LY86: variants seen among roughly 807,000 people sequenced by gnomAD.
LY86 encodes the protein MD-1, RP105-associated.
Under a neutral mutation model 17.3 loss-of-function variants are expected in LY86, and 20 were observed. The ratio of observed to expected loss-of-function variants is 1.15; its 90% CI spans 0.81 to 1.68. LY86 has a LOEUF of 1.68. LY86 is among the 40% of genes most tolerant of loss of function. LY86 has a pLI of 0.00. For missense variants in LY86, 200 were observed against 191.9 expected, an observed-to-expected ratio of 1.04 and a Z score of -0.25; for synonymous variants, 74 against 70.6, an observed-to-expected ratio of 1.05 and a Z score of -0.24.
chr6:6,607,916 A>G (rs1327076039), intron 1 of LY86, among the ~76,000 whole-genome samples: 1 of 152,190 alleles, frequency 6.6e-6, no homozygotes, highest in Non-Finnish European at 1.5e-5. Flanking sequence ...ATAAAAATAA[A>G]AAAATAAATC....
intron 1 of LY86, among the ~76,000 whole-genome samples, chr6:6,615,719 CAAAA>C (rs373207405): frequency 5.5e-5 from 5 of 91,724 alleles, no homozygotes; most frequent in Non-Finnish European, 1.1e-4. Context: ...GATGTTGTCT[CAAAA>C]AAAAAAAAAA....
intron 1 of LY86, among the ~76,000 whole-genome samples, chr6:6,603,699 G>A (rs572231474): frequency 1.1e-4 from 17 of 150,774 alleles, no homozygotes; most frequent in Admixed American, 4.0e-4. Context: ...CACAGAAAAC[G>A]TGTCAATGTC....
At chr6:6,654,512 C>T (rs754268011) in intron 4 of LY86, 32 bp from the exon 5 acceptor site, 2 of 1,512,214 alleles carry the variant, frequency 1.3e-6, no homozygotes, top group Non-Finnish European at 1.8e-6. Flanking sequence ...CTGTGGGTCA[C>T]ACGTCTAATA....
intron 1 of LY86, among the ~76,000 whole-genome samples, chr6:6,591,669 T>C (rs533457012): frequency 2.6e-5 from 4 of 152,256 alleles, no homozygotes; most frequent in African/African-American, 9.6e-5. Flanking sequence ...ACACAGCTAA[T>C]AGTGGCAGAA....
chr6:6,601,838 T>G (rs7748865), intron 1 of LY86, among the ~76,000 whole-genome samples: 137,568 of 152,154 alleles, frequency 0.9, 62,245 homozygotes, highest in Middle Eastern at 0.98. Context: ...GGGAATGCAG[T>G]ACCTGGGATG....
At chr6:6,603,606 A>C (rs78762673) in intron 1 of LY86, among the ~76,000 whole-genome samples, 3,559 of 94,966 alleles carry the variant, frequency 0.037, 178 homozygotes, top group Middle Eastern at 0.061. Flanking sequence ...ACAGAAACAG[A>C]AAAAAAAACA....
intron 1 of LY86, among the ~76,000 whole-genome samples, chr6:6,593,819 C>T (rs1404325783): frequency 1.3e-5 from 2 of 152,182 alleles, no homozygotes; most frequent in Non-Finnish European, 2.9e-5. Context: ...CTCAAACCCG[C>T]TGTTTCTCAT....
At chr6:6,625,411 G>A (rs1761768575) in intron 2 of LY86, among the ~76,000 whole-genome samples, 1 of 152,140 alleles carries the variant, frequency 6.6e-6, no homozygotes, top group Non-Finnish European at 1.5e-5. Flanking sequence ...GTGTTATTTT[G>A]TATCCCAAAT....
intron 3 of LY86, among the ~76,000 whole-genome samples, chr6:6,642,295 C>T (rs192594240): frequency 1.3e-5 from 2 of 152,256 alleles, no homozygotes; most frequent in Non-Finnish European, 2.9e-5. Context: ...GAAGAACCCC[C>T]TCTGAAATGG....
intron 1 of LY86, among the ~76,000 whole-genome samples, chr6:6,621,928 T>C (rs1761687921): frequency 6.6e-6 from 1 of 151,612 alleles, no homozygotes; most frequent in South Asian, 2.1e-4. Flanking sequence ...TGCAAATAAA[T>C]ACAGAGAAGG....
chr6:6,626,450 C>A (rs767441983), intron 3 of LY86, 29 bp downstream of exon 3: 3 of 1,610,710 alleles, frequency 1.9e-6, no homozygotes, highest in Non-Finnish European at 2.5e-6. Flanking sequence ...TCACTGCTGG[C>A]AGGGGCCTGC....
intron 1 of LY86, among the ~76,000 whole-genome samples, chr6:6,596,686 G>A (rs1295332487): frequency 3.9e-5 from 6 of 152,180 alleles, no homozygotes; most frequent in Non-Finnish European, 8.8e-5. Flanking sequence ...ATCCAACACT[G>A]TGGTGCAGAT....
intron 1 of LY86, among the ~76,000 whole-genome samples, chr6:6,593,012 CTCA>C (rs773892858): frequency 6.6e-6 from 1 of 152,196 alleles, no homozygotes; most frequent in Non-Finnish European, 1.5e-5. Flanking sequence ...CACTCTAGAT[CTCA>C]TGTTATTGTT....
At chr6:6,589,185 T>C (rs1340572626) in intron 1 of LY86, among the ~76,000 whole-genome samples, 2 of 152,184 alleles carry the variant, frequency 1.3e-5, no homozygotes, top group Admixed American at 6.5e-5. Flanking sequence ...TACCAAATCA[T>C]CAAACCTCAC....
At position 6,600,607 on chromosome 6, in the gene LY86, A is replaced by G. The variant is rs1452927891; in HGVS notation, c.136+11737A>G. On this transcript the variant is annotated intron_variant, in intron 1 of 4. Coordinates refer to ENST00000230568, the MANE Select transcript of LY86 (RefSeq NM_004271.4). ...TCCATCAAAAAAAAAAAAAAAAAAA[A>G]AAAAAAAAAAAAAAAAAAAAAGAAA... 2.8e-5 allele frequency among the ~76,000 whole-genome samples: 4 copies of G among 141,440 alleles called. 1 individual carries two copies. Among genetic ancestry groups the G allele is most frequent in the Non-Finnish European group, 3.1e-5 (2 of 65,254 alleles). The allele number at this position is 141,440 out of a possible 152,430, so 92.8% of individuals were successfully genotyped here. A position where few individuals can be genotyped will look rare whatever the true frequency, so the allele number is the denominator to read the frequency against.
intron 1 of LY86, among the ~76,000 whole-genome samples, chr6:6,601,217 G>A (rs1001169346): frequency 4.6e-5 from 7 of 152,166 alleles, no homozygotes; most frequent in African/African-American, 1.7e-4. Context: ...CTTTCCTGGG[G>A]GAGTGGATCT....
At position 6,624,067 on chromosome 6, in the gene LY86, T is replaced by C. The variant is rs1387779271; in HGVS notation, c.137-859T>C. ...GAGCAAGACCTGAGGATTTAGATAA[T>C]GGCCAAAAAGACTAAGACCATTGCA... On this transcript the variant is annotated intron_variant, in intron 1 of 4. Coordinates refer to ENST00000230568, the MANE Select transcript of LY86 (RefSeq NM_004271.4). 5.9e-5 allele frequency among the ~76,000 whole-genome samples: 9 copies of C among 152,106 alleles called. No individual in the cohort carries two copies. The East Asian group carries it at 1.7e-3, about 29-fold the overall frequency.
chr6:6,611,724 G>A (rs1222073669), intron 1 of LY86, among the ~76,000 whole-genome samples: 2 of 152,128 alleles, frequency 1.3e-5, no homozygotes, highest in Non-Finnish European at 1.5e-5. Context: ...GAAAGTCAGG[G>A]GCTATGCTTA....
intron 3 of LY86, among the ~76,000 whole-genome samples, chr6:6,648,891 C>A (rs1188478395): frequency 1.3e-5 from 2 of 152,164 alleles, no homozygotes; most frequent in Admixed American, 1.3e-4. Flanking sequence ...ACCCTCCTGC[C>A]TCTCTCATAT....
Sources: gnomAD v4.1 joint callset for allele counts (sites outside exome capture counted in the v4.1 genomes callset) on GRCh38, gnomAD v4.1.1 for gene constraint, MANE v1.5 for transcripts, NCBI Gene and HGNC (gene_info 2026-07-23, HGNC 2026-07-21) for gene names.